Variants in GRM1 observed in about 807,000 individuals in gnomAD.
GRM1 encodes glutamate metabotropic receptor 1.
In GRM1, 33 loss-of-function variants were observed where a neutral mutation model predicts 90.9. The observed-to-expected ratio is 0.36, with a 90% confidence interval of 0.28 to 0.49. The LOEUF is 0.49. Among genes scored for constraint, GRM1 ranks in the 20% least tolerant of loss-of-function variants. The pLI is 0.99. For synonymous variants in GRM1, 700 were observed against 613.2 expected (o/e 1.14, Z -2.09); for missense variants, 1,190 against 1,534.3 (o/e 0.78, Z 3.75).
At chr6:146,167,219 A>G (rs1306938890) in intron 2 of GRM1, among the ~76,000 whole-genome samples, 1 of 152,112 alleles carries the variant, frequency 6.6e-6, no homozygotes, top group Admixed American at 6.6e-5. Context: ...GCATATTACT[A>G]ATTTCCTCTT....
At chr6:146,039,207 C>T (rs1477071881) in intron 1 of GRM1, among the ~76,000 whole-genome samples, 1 of 151,946 alleles carries the variant, frequency 6.6e-6, no homozygotes, top group African/African-American at 2.4e-5. Context: ...AGAGAGACAA[C>T]AGAGAGAACT....
intron 1 of GRM1, among the ~76,000 whole-genome samples, chr6:146,154,464 C>G (rs1363100806): frequency 6.6e-6 from 1 of 152,168 alleles, no homozygotes; most frequent in Non-Finnish European, 1.5e-5. Context: ...CATGTTTCCA[C>G]AGTCTTTGGA....
chr6:146,359,162 T>C (rs998768074), intron 5 of GRM1, among the ~76,000 whole-genome samples: 21 of 152,294 alleles, frequency 1.4e-4, no homozygotes, highest in African/African-American at 4.3e-4. Flanking sequence ...AAGTAGTATG[T>C]ATGGGCTGAT....
chr6:146,435,884 T>A lies in GRM1; in HGVS notation c.*1088T>A, dbSNP rs1412961839. 1 of 152,612 alleles carries A rather than the reference T, an allele frequency of 6.6e-6. No individual in the cohort carries two copies. The highest frequency in any genetic ancestry group is 1.5e-5 in the Non-Finnish European group (1 of 68,032). The allele number at this position is 152,612 out of a possible 1,614,324, so 9.5% of individuals were successfully genotyped here. The stretch of plus-strand genomic sequence containing the variant: ...ATATGTACAATTTGGTGCCATTATT[T>A]CTCCTACGTATTAGAGAAACAAATC... On this transcript the variant is annotated 3_prime_UTR_variant, in exon 8 of 8. Coordinates refer to ENST00000282753, the MANE Select transcript of GRM1 (RefSeq NM_001278064.2).
chr6:146,042,289 G>A (rs1335524319), intron 1 of GRM1, among the ~76,000 whole-genome samples: 3 of 152,068 alleles, frequency 2.0e-5, no homozygotes, highest in African/African-American at 7.2e-5. Flanking sequence ...GAAGCCAGGA[G>A]GAAGTGGAGG....
intron 2 of GRM1, among the ~76,000 whole-genome samples, chr6:146,217,524 T>C (rs1438791256): frequency 6.6e-6 from 1 of 152,206 alleles, no homozygotes; most frequent in Non-Finnish European, 1.5e-5. Flanking sequence ...GTCTCTAATA[T>C]TATTATGCTC....
chr6:146,051,907 A>G (rs1775304991), intron 1 of GRM1, among the ~76,000 whole-genome samples: 1 of 152,078 alleles, frequency 6.6e-6, no homozygotes, highest in African/African-American at 2.4e-5. Flanking sequence ...ACTGGGAAGA[A>G]AATACCAGTT....
At chr6:146,411,723 T>C (rs1183455229) in intron 7 of GRM1, among the ~76,000 whole-genome samples, 6 of 152,188 alleles carry the variant, frequency 3.9e-5, no homozygotes, top group Admixed American at 3.3e-4. Flanking sequence ...AATACTTAAG[T>C]AAGAACAAAA....
intron 1 of GRM1, among the ~76,000 whole-genome samples, chr6:146,088,745 T>C (rs1351615119): frequency 2.0e-5 from 3 of 152,062 alleles, no homozygotes; most frequent in East Asian, 3.9e-4. Flanking sequence ...TATAAGCAGG[T>C]CTCCCATCAC....
In GRM1 at chr6:146,399,504, G is replaced by T. The variant is rs1278967715; in HGVS notation, c.2465G>T (p.Ser822Ile). ...ACAACTTGCTTTGCAGTGAGTCTCA[G>T]TGTAACAGTGGCTCTGGGGTGCATG... The part of the protein sequence containing the change: ...IITTCFAVSL[S>I]VTVALGCMFT... Residue 822 changes from serine to isoleucine, a missense_variant, in exon 7 of 8, where the codon AGT becomes ATT. Around this residue, in one of 10 missense-constraint regions of GRM1, gnomAD observed 73 missense variants for 150.6 expected, o/e 0.48. Coordinates refer to ENST00000282753, the MANE Select transcript of GRM1 (RefSeq NM_001278064.2). The surrounding 1 kb of genome is among the most constrained non-coding windows in gnomAD (Gnocchi z 5.4). The T allele has an allele frequency of 6.2e-7, 1 of 1,614,018 alleles. No homozygotes were observed. Among genetic ancestry groups the T allele is most frequent in the Non-Finnish European group, 8.5e-7 (1 of 1,179,988 alleles).
chr6:146,099,279 C>T (rs1776971632), intron 1 of GRM1, among the ~76,000 whole-genome samples: 1 of 152,116 alleles, frequency 6.6e-6, no homozygotes, highest in African/African-American at 2.4e-5. Flanking sequence ...CCCAGCTACT[C>T]AGGAGGCTGA....
chr6:146,319,290 A>G (rs10452659), intron 3 of GRM1, among the ~76,000 whole-genome samples: 8 of 152,174 alleles, frequency 5.3e-5, no homozygotes, highest in African/African-American at 1.7e-4. Flanking sequence ...TGTGTTGTAC[A>G]TTATTTCTGA....
chr6:146,065,151 G>A (rs1447046157), intron 1 of GRM1, among the ~76,000 whole-genome samples: 2 of 152,080 alleles, frequency 1.3e-5, no homozygotes, highest in African/African-American at 4.8e-5. Context: ...GCAGGAGAAA[G>A]CCTTCTTAAT....
chr6:146,371,264 G>A (rs1775891493), intron 5 of GRM1, among the ~76,000 whole-genome samples: 1 of 152,058 alleles, frequency 6.6e-6, no homozygotes, highest in Admixed American at 6.6e-5. Context: ...ACACAGGCTA[G>A]TGGAGCTAGC....
chr6:146,069,490 A>T (rs1370403961), intron 1 of GRM1, among the ~76,000 whole-genome samples: 1 of 152,182 alleles, frequency 6.6e-6, no homozygotes, highest in Non-Finnish European at 1.5e-5. Context: ...AGGTTTTGAT[A>T]TGTTTGAAAT....
chr6:146,388,656 T>G (rs1255399807), intron 6 of GRM1, among the ~76,000 whole-genome samples: 2 of 152,068 alleles, frequency 1.3e-5, no homozygotes, highest in African/African-American at 4.8e-5. Flanking sequence ...TCTTTTTATT[T>G]GCCAGCTAAA....
At chr6:146,064,494 T>C (rs1775777628) in intron 1 of GRM1, among the ~76,000 whole-genome samples, 1 of 152,216 alleles carries the variant, frequency 6.6e-6, no homozygotes. Flanking sequence ...TATTAAAACA[T>C]ATGACAACAT....
chr6:146,436,139 A>G lies in GRM1; in HGVS notation c.*1343A>G, dbSNP rs1778587133. 1 of 152,450 alleles carries G rather than the reference A, an allele frequency of 6.6e-6. No individual in the cohort carries two copies. The allele number at this position is 152,450 out of a possible 1,614,324, so 9.4% of individuals were successfully genotyped here. A position where few individuals can be genotyped will look rare whatever the true frequency, so the allele number is the denominator to read the frequency against. On this transcript the variant is annotated 3_prime_UTR_variant, in exon 8 of 8. Transcript: ENST00000282753. ...AAATTGTCTTTTGAATATACTATAT[A>G]TATTTTTTATGTTCCAATAATGTTT...
chr6:146,371,360 A>G (rs1471456544), intron 5 of GRM1, among the ~76,000 whole-genome samples: 1 of 151,966 alleles, frequency 6.6e-6, no homozygotes, highest in Non-Finnish European at 1.5e-5. Flanking sequence ...GTAGGTATAT[A>G]TATTTATGGG....
Sources: gnomAD v4.1 joint callset for allele counts (sites outside exome capture counted in the v4.1 genomes callset) on GRCh38, gnomAD v4.1.1 for gene constraint, gnomAD v4.1.1 regional missense constraint, Gnocchi (gnomAD v3.1) non-coding constraint, MANE v1.5 for transcripts, NCBI Gene and HGNC (gene_info 2026-07-23, HGNC 2026-07-21) for gene names.